CCDC148: variants seen among roughly 807,000 people sequenced by gnomAD.
The protein encoded by CCDC148 is coiled-coil domain containing 148.
Under a neutral mutation model 85.7 loss-of-function variants are expected in CCDC148, and 89 were observed. The observed-to-expected ratio is 1.04, with a 90% CI of 0.87 to 1.24. CCDC148 has a LOEUF of 1.24. CCDC148 is among the 50% of genes most tolerant of loss of function. The pLI is 0.00. For missense variants in CCDC148, 692 were observed against 671.7 expected (o/e 1.03, Z -0.33); for synonymous variants, 230 against 213.9 (o/e 1.08, Z -0.66).
At chr2:158,295,143 C>T (rs1046031333) in intron 9 of CCDC148, among the ~76,000 whole-genome samples, 5 of 152,030 alleles carry the variant, frequency 3.3e-5, no homozygotes, top group East Asian at 1.9e-4. Context: ...ATAAATTCCT[C>T]GACACATACA....
intron 11 of CCDC148, among the ~76,000 whole-genome samples, chr2:158,206,932 C>A (rs1345832804): frequency 1.3e-5 from 2 of 152,172 alleles, no homozygotes; most frequent in Non-Finnish European, 2.9e-5. Context: ...ACGGACTGCT[C>A]AACCATGTCA....
rs556305571 is a variant in CCDC148, at chr2:158,399,725, T to C, written c.26-41155A>G. ...TCTGAAAACCAGCAGAAGACAAGGATGCCCTCTCTCTCCACTCCTATTCAA... is the reference window on the plus strand; with the variant it reads ...TCTGAAAACCAGCAGAAGACAAGGACGCCCTCTCTCTCCACTCCTATTCAA... On this transcript the variant is annotated intron_variant, in intron 1 of 13. Coordinates refer to ENST00000283233, the MANE Select transcript of CCDC148 (RefSeq NM_138803.4). Among the ~76,000 whole-genome samples the C allele has an allele frequency of 5.9e-5, 9 of 152,220 alleles. No homozygotes were observed. The South Asian group carries it at 1.9e-3, about 32-fold the overall frequency.
At chr2:158,341,846 C>A (rs777578184) in intron 3 of CCDC148, among the ~76,000 whole-genome samples, 4 of 149,178 alleles carry the variant, frequency 2.7e-5, no homozygotes, top group Non-Finnish European at 4.4e-5. Flanking sequence ...TAGCCCTTAT[C>A]TAAATGTTGA....
At chr2:158,298,088 G>A (rs995505361) in intron 9 of CCDC148, among the ~76,000 whole-genome samples, 3 of 152,208 alleles carry the variant, frequency 2.0e-5, no homozygotes, top group Non-Finnish European at 4.4e-5. Context: ...GAGAGAGAAT[G>A]AGTGCCCAGC....
chr2:158,219,372 T>C (rs574625963), intron 11 of CCDC148, among the ~76,000 whole-genome samples: 1 of 152,196 alleles, frequency 6.6e-6, no homozygotes, highest in Non-Finnish European at 1.5e-5. Context: ...AAATCCACCC[T>C]TCATTGTCTG....
At chr2:158,220,922 T>A (rs1308639732) in intron 10 of CCDC148, among the ~76,000 whole-genome samples, 1 of 152,212 alleles carries the variant, frequency 6.6e-6, no homozygotes, top group African/African-American at 2.4e-5. Context: ...CTGCAAGGTT[T>A]AACAATTTCT....
intron 2 of CCDC148, among the ~76,000 whole-genome samples, chr2:158,346,271 G>A (rs919463449): frequency 1.3e-5 from 2 of 152,160 alleles, no homozygotes; most frequent in South Asian, 4.1e-4. Flanking sequence ...GGGAAGAAAG[G>A]AGAAGCCAAA....
At position 158,352,623 on chromosome 2, in the gene CCDC148, A is replaced by G. The variant is rs558680816; in HGVS notation, c.147+5826T>C. ...GATTGGTGTACCTGAAAGTGATGGG[A>G]AGAATGGAACCAAGTTGGAAAACAG... On this transcript the variant is annotated intron_variant, in intron 2 of 13. Coordinates refer to ENST00000283233, the MANE Select transcript of CCDC148 (RefSeq NM_138803.4). Among the ~76,000 whole-genome samples the G allele has an allele frequency of 5.1e-3, 771 of 152,296 alleles. 3 individuals carry two copies. The highest frequency in any genetic ancestry group is 0.024 in the Middle Eastern group (7 of 294).
chr2:158,175,539 G>A (rs137960570), intron 13 of CCDC148, among the ~76,000 whole-genome samples: 1 of 152,038 alleles, frequency 6.6e-6, no homozygotes, highest in Non-Finnish European at 1.5e-5. Context: ...TGGCATTGTT[G>A]CTACACATGC....
At chr2:158,174,913 A>T (rs1454619909) in intron 13 of CCDC148, among the ~76,000 whole-genome samples, 1 of 152,014 alleles carries the variant, frequency 6.6e-6, no homozygotes, top group East Asian at 1.9e-4. Flanking sequence ...GGGGCACATG[A>T]CTGTATATAA....
intron 11 of CCDC148, among the ~76,000 whole-genome samples, chr2:158,181,134 T>A (rs1684881787): frequency 2.0e-5 from 3 of 152,168 alleles, no homozygotes. Flanking sequence ...ACAATTACCA[T>A]ATGCTAATTC....
At chr2:158,374,767 C>T (rs184632232) in intron 1 of CCDC148, among the ~76,000 whole-genome samples, 3 of 151,996 alleles carry the variant, frequency 2.0e-5, no homozygotes, top group African/African-American at 7.2e-5. Context: ...TTACTACATA[C>T]AGTCATCTCT....
chr2:158,352,248 G>A (rs1291242823), intron 2 of CCDC148, among the ~76,000 whole-genome samples: 3 of 150,762 alleles, frequency 2.0e-5, no homozygotes, highest in African/African-American at 7.3e-5. Context: ...CGAGCTGAGA[G>A]AAGAAGGCTT....
chr2:158,190,036 A>G (rs1685346029), intron 11 of CCDC148, among the ~76,000 whole-genome samples: 1 of 152,042 alleles, frequency 6.6e-6, no homozygotes, highest in African/African-American at 2.4e-5. Context: ...AATTAAATAT[A>G]CATTATTCCT....
chr2:158,394,319 C>G (rs1482181475), intron 1 of CCDC148, among the ~76,000 whole-genome samples: 1 of 152,018 alleles, frequency 6.6e-6, no homozygotes, highest in Non-Finnish European at 1.5e-5. Context: ...GGATCCCAAG[C>G]TGCATCTGAA....
intron 11 of CCDC148, among the ~76,000 whole-genome samples, chr2:158,181,207 T>G (rs554174412): frequency 2.6e-5 from 4 of 152,154 alleles, no homozygotes; most frequent in Non-Finnish European, 5.9e-5. Flanking sequence ...TGCAACAAAG[T>G]TTTTGTCTGT....
intron 9 of CCDC148, among the ~76,000 whole-genome samples, chr2:158,275,557 G>A (rs560542140): frequency 5.9e-5 from 9 of 152,188 alleles, no homozygotes; most frequent in Middle Eastern, 3.4e-3. Flanking sequence ...TGAACAAAGA[G>A]GCCTAACGGT....
At chr2:158,200,793 T>A (rs147645252) in intron 11 of CCDC148, among the ~76,000 whole-genome samples, 1 of 152,274 alleles carries the variant, frequency 6.6e-6, no homozygotes, top group African/African-American at 2.4e-5. Context: ...ATTCATAGAG[T>A]TATACTTGGT....
chr2:158,428,910 G>C (rs1687200093), intron 1 of CCDC148, among the ~76,000 whole-genome samples: 2 of 152,182 alleles, frequency 1.3e-5, no homozygotes, highest in South Asian at 2.1e-4. Flanking sequence ...TGATAGACTG[G>C]ATTAAGAAAA....
Sources: gnomAD v4.1 joint callset for allele counts (sites outside exome capture counted in the v4.1 genomes callset) on GRCh38, gnomAD v4.1.1 for gene constraint, MANE v1.5 for transcripts, NCBI Gene and HGNC (gene_info 2026-07-23, HGNC 2026-07-21) for gene names.